The following RERE variants were observed in gnomAD, a reference collection of about 807,000 sequenced individuals.
The protein encoded by RERE is arginine-glutamic acid dipeptide repeats.
Under a neutral mutation model 146.1 loss-of-function variants are expected in RERE, and 40 were observed. The observed-to-expected ratio is 0.27, with a 90% confidence interval of 0.21 to 0.36. The LOEUF (loss-of-function observed/expected upper bound fraction) is 0.36, where lower values mean the gene tolerates loss of function less well. Ranked by LOEUF, RERE falls within the 10% of genes least tolerant of loss-of-function variation. The pLI, the probability that RERE is intolerant of heterozygous loss-of-function variation, is 1.00. For missense variants in RERE, 1,933 were observed against 2,138.7 expected (o/e 0.90, Z 1.90); for synonymous variants, 1,003 against 866.0 (o/e 1.16, Z -2.78).
At chr1:8,710,514 A>ATTTG (rs201416272) in intron 1 of RERE, among the ~76,000 whole-genome samples, 16 of 152,068 alleles carry the variant, frequency 1.1e-4, no homozygotes, top group African/African-American at 1.7e-4. Context: ...AAACATAGAT[A>ATTTG]TTTGTTTGTT....
intron 1 of RERE, among the ~76,000 whole-genome samples, chr1:8,775,886 G>A (rs576902455): frequency 6.6e-6 from 1 of 152,124 alleles, no homozygotes. Flanking sequence ...GGCCCAGGGA[G>A]GTTAAGTAAC....
At chr1:8,439,470 T>C (rs1194581854) in intron 11 of RERE, among the ~76,000 whole-genome samples, 1 of 152,054 alleles carries the variant, frequency 6.6e-6, no homozygotes, top group Admixed American at 6.5e-5. Flanking sequence ...AGGAAGAAAA[T>C]AATGAATGTC....
Position 8,386,022 on chromosome 1 carries a change from A to ATTTTTT in RERE, c.1285-20054_1285-20049dup, listed in dbSNP as rs60050106. ...TATATATATATATATATATATATAT[A>ATTTTTT]TTTTTTTTTTTTTTTTTTTTTTTTT... On this transcript the variant is annotated intron_variant, in intron 12 of 22. Coordinates refer to ENST00000400908, the MANE Select transcript of RERE (RefSeq NM_001042681.2). 2.1e-3 allele frequency among the ~76,000 whole-genome samples: 56 copies of ATTTTTT among 26,636 alleles called. 1 individual carries two copies. The highest frequency in any genetic ancestry group is 8.8e-3 in the South Asian group (3 of 342). 17.5% of individuals were successfully genotyped at this position (26,636 alleles called of 152,430 possible).
At chr1:8,771,775 T>G (rs1015750447) in intron 1 of RERE, among the ~76,000 whole-genome samples, 1 of 150,896 alleles carries the variant, frequency 6.6e-6, no homozygotes, top group Non-Finnish European at 1.5e-5. Context: ...CCAGGCGCGG[T>G]GGCGGGTGCC....
chr1:8,763,650 A>T (rs1234347522), intron 1 of RERE, among the ~76,000 whole-genome samples: 1 of 152,010 alleles, frequency 6.6e-6, no homozygotes, highest in African/African-American at 2.4e-5. Flanking sequence ...ACAAACAAAC[A>T]AAAAACAAGA....
chr1:8,729,314 C>T (rs958578152), intron 1 of RERE, among the ~76,000 whole-genome samples: 2 of 149,850 alleles, frequency 1.3e-5, no homozygotes, highest in Non-Finnish European at 1.5e-5. Flanking sequence ...ACCTCTGCCT[C>T]CCTGGTTTCA....
At chr1:8,800,557 C>T (rs998251322) in intron 1 of RERE, among the ~76,000 whole-genome samples, 1 of 152,142 alleles carries the variant, frequency 6.6e-6, no homozygotes, top group African/African-American at 2.4e-5. Flanking sequence ...GTGGTACACA[C>T]CTGTAGTCCC....
intron 1 of RERE, among the ~76,000 whole-genome samples, chr1:8,754,257 A>T (rs1310755246): frequency 5.3e-5 from 8 of 150,330 alleles, no homozygotes; most frequent in Non-Finnish European, 1.5e-5. Context: ...GACAGTACTG[A>T]CTGAATATTT....
intron 1 of RERE, among the ~76,000 whole-genome samples, chr1:8,797,825 G>T (rs1370767362): frequency 1.3e-5 from 2 of 152,136 alleles, no homozygotes; most frequent in Non-Finnish European, 2.9e-5. Context: ...GCCTCTAACT[G>T]GAAAAGTAAC....
chr1:8,567,599 A>G (rs1264816033), intron 4 of RERE, among the ~76,000 whole-genome samples: 1 of 152,234 alleles, frequency 6.6e-6, no homozygotes, highest in Non-Finnish European at 1.5e-5. Flanking sequence ...TGAAAACTAA[A>G]TCATCTCTGA....
rs753833535 is a variant in RERE at position 8,364,015 on chromosome 1, T to G, written c.1740+41A>C. The G allele has an allele frequency of 1.9e-6, 3 of 1,584,238 alleles. No individual in the cohort carries two copies. The highest frequency in any genetic ancestry group is 2.6e-6 in the Non-Finnish European group (3 of 1,154,000). On this transcript the variant is annotated intron_variant, in intron 15 of 22. Transcript: ENST00000400908. This position sits in a 1 kb window ranked among gnomAD's most constrained non-coding sequence, Gnocchi z 5.1. The stretch of plus-strand genomic sequence containing the variant: ...CAAGCCCCCACACATCCCAGGAAAC[T>G]GAAGAAGTTGCCAGGAGCCCCATGG...
Position 8,358,441 on chromosome 1 carries a change from G to A in RERE, c.4094C>T (p.Ala1365Val), listed in dbSNP as rs1271085906. Residue 1365 changes from alanine (A) to valine (V), a missense_variant, in exon 20 of 23, where the codon GCT becomes GTT. Physicochemically the swap from Ala to Val is moderately conservative, Grantham distance 64. Around this residue, in one of 11 missense-constraint regions of RERE, gnomAD observed 1,255 missense variants for 1,153.8 expected, o/e 1.09. Coordinates refer to ENST00000400908, the MANE Select transcript of RERE (RefSeq NM_001042681.2). ...GGGGTTCAGGCCCGGGTGGAAAGAA[G>A]CAAAAGGGTGGGGCCCGGCGGTCGG... Reference protein sequence around the residue: ...IPPTAGPHPFASFHPGLNPLE... With the variant: ...IPPTAGPHPFVSFHPGLNPLE... 6.3e-7 allele frequency: 1 copy of A among 1,591,618 alleles called. No homozygotes were observed. Among genetic ancestry groups the A allele is most frequent in the African/African-American group, 1.3e-5 (1 of 74,486 alleles).
chr1:8,547,290 T>A (rs1381141113), intron 6 of RERE, among the ~76,000 whole-genome samples: 1 of 152,076 alleles, frequency 6.6e-6, no homozygotes, highest in Non-Finnish European at 1.5e-5. Context: ...ACCACTACAA[T>A]CAACATAGGT....
At chr1:8,687,368 T>C (rs1639114097) in intron 1 of RERE, among the ~76,000 whole-genome samples, 1 of 152,104 alleles carries the variant, frequency 6.6e-6, no homozygotes. Context: ...CTCATGCAAG[T>C]AGGAAGCCCA....
At chr1:8,620,537 C>A (rs1246914395) in intron 3 of RERE, among the ~76,000 whole-genome samples, 1 of 152,272 alleles carries the variant, frequency 6.6e-6, no homozygotes. Context: ...CTGCCTCAGT[C>A]TCTCAGTTTC....
At chr1:8,713,452 G>C (rs1639706040) in intron 1 of RERE, among the ~76,000 whole-genome samples, 1 of 152,070 alleles carries the variant, frequency 6.6e-6, no homozygotes, top group Non-Finnish European at 1.5e-5. Flanking sequence ...TAAAAACTTT[G>C]GCCAGGCACA....
chr1:8,387,196 T>A (rs1257252023), intron 12 of RERE, among the ~76,000 whole-genome samples: 1 of 152,164 alleles, frequency 6.6e-6, no homozygotes, highest in Admixed American at 6.5e-5. Context: ...CACTTTGACA[T>A]AGCTGGCAAC....
At chr1:8,432,127 T>G (rs1644103858) in intron 11 of RERE, among the ~76,000 whole-genome samples, 1 of 152,208 alleles carries the variant, frequency 6.6e-6, no homozygotes, top group African/African-American at 2.4e-5. Flanking sequence ...TGTTCTCTTA[T>G]TTGAAGACCT....
chr1:8,443,478 A>AG (rs1244114888), intron 11 of RERE, among the ~76,000 whole-genome samples: 2 of 149,924 alleles, frequency 1.3e-5, no homozygotes, highest in African/African-American at 5.0e-5. Context: ...AAAAAAAAAA[A>AG]AGAAAGAAAA....
Sources: allele counts gnomAD v4.1 joint callset (sites outside exome capture counted in the v4.1 genomes callset), GRCh38; gene constraint gnomAD v4.1.1; regional missense constraint gnomAD v4.1.1; non-coding constraint Gnocchi (gnomAD v3.1); transcripts MANE v1.5; gene names NCBI Gene and HGNC (gene_info 2026-07-23, HGNC 2026-07-21).